Variants in FANCD2OS observed in about 807,000 individuals in gnomAD.
The protein encoded by FANCD2OS is FANCD2 opposite strand protein.
FANCD2OS carries 11 observed loss-of-function variants against 13.2 expected under a neutral mutation model. The observed-to-expected ratio is 0.83, with a 90% CI of 0.52 to 1.38. The LOEUF (loss-of-function observed/expected upper bound fraction) is 1.38, where lower values mean the gene tolerates loss of function less well. FANCD2OS is among the 40% of genes most tolerant of loss of function. The probability of loss-of-function intolerance (pLI) is 0.00; values close to 1 mark genes in which losing one functional copy is unlikely to be tolerated. For missense variants in FANCD2OS, 217 were observed against 213.9 expected, an observed-to-expected ratio of 1.01 and a Z score of -0.09; for synonymous variants, 69 against 84.5, an observed-to-expected ratio of 0.82 and a Z score of 1.01.
chr3:10,098,502 C>T (rs992455474), downstream of FANCD2OS, among the ~76,000 whole-genome samples: 10 of 152,278 alleles, frequency 6.6e-5, no homozygotes, highest in African/African-American at 2.4e-4. Context: ...ATGAACCTTT[C>T]GTTACATTAC....
chr3:10,101,377 C>CT (rs950337384), downstream of FANCD2OS: 13,923 of 379,986 alleles, frequency 0.037, 29 homozygotes, highest in East Asian at 0.041. Context: ...TTTTGTTCCT[C>CT]TTTTTTTTTT....
chr3:10,087,882 C>T (rs933537824), intron 2 of FANCD2OS, among the ~76,000 whole-genome samples: 20 of 152,066 alleles, frequency 1.3e-4, no homozygotes, highest in Admixed American at 7.2e-4. Flanking sequence ...CTCCTGACCT[C>T]GTGATCCACC....
chr3:10,085,523 C>G (rs1357352007), intron 2 of FANCD2OS, among the ~76,000 whole-genome samples: 1 of 151,800 alleles, frequency 6.6e-6, no homozygotes, highest in East Asian at 1.9e-4. Context: ...TCTGGAGTAG[C>G]TGGGACTACA....
chr3:10,094,482 G>A, intron 2 of FANCD2OS: 1 of 856,746 alleles, frequency 1.2e-6, no homozygotes, highest in Non-Finnish European at 2.0e-6. Context: ...GTCCACTTCA[G>A]CTGTAGCCAG....
At chr3:10,085,963 A>C (rs753672518) in intron 2 of FANCD2OS, 1 of 1,349,410 alleles carries the variant, frequency 7.4e-7, no homozygotes. Context: ...GTCCCAAGAA[A>C]CTCCTAGGAA....
chr3:10,096,081 A>T (rs1175773458), intron 2 of FANCD2OS, among the ~76,000 whole-genome samples: 5 of 152,208 alleles, frequency 3.3e-5, no homozygotes, highest in Non-Finnish European at 7.3e-5. Flanking sequence ...AATTCATTGA[A>T]GATCGGCCAG....
chr3:10,101,374 C>CCA, downstream of FANCD2OS: 1 of 577,312 alleles, frequency 1.7e-6, no homozygotes, highest in Non-Finnish European at 3.0e-6. Context: ...CTTTTTTGTT[C>CCA]CTCTTTTTTT....
At chr3:10,090,093 G>A (rs2125080783) in intron 2 of FANCD2OS, among the ~76,000 whole-genome samples, 1 of 152,240 alleles carries the variant, frequency 6.6e-6, no homozygotes, top group Admixed American at 6.5e-5. Flanking sequence ...CTTTCATAAA[G>A]TTAATTCCAT....
chr3:10,100,125 C>T (rs1168475754), downstream of FANCD2OS, among the ~76,000 whole-genome samples: 1 of 151,994 alleles, frequency 6.6e-6, no homozygotes, highest in Non-Finnish European at 1.5e-5. Context: ...GAGGTGGAGG[C>T]TGCAGTGAGC....
intron 2 of FANCD2OS, among the ~76,000 whole-genome samples, chr3:10,094,123 G>T (rs1694812832): frequency 6.6e-6 from 1 of 152,124 alleles, no homozygotes; most frequent in Non-Finnish European, 1.5e-5. Context: ...TTTGATTTTT[G>T]TATTAAGTTA....
chr3:10,104,276 T>C lies in FANCD2OS; in HGVS notation c.499A>G (p.Lys167Glu), dbSNP rs199858369. The change falls in exon 2 of 2, where the codon AAA becomes GAA. Residue 167 changes from lysine to glutamate, a missense_variant. Transcript: ENST00000450660. Reference protein sequence around the residue: ...RSILLLYATYKKCTFALQHSK With the variant: ...RSILLLYATYEKCTFALQHSK The stretch of plus-strand genomic sequence containing the variant: ...TGCTGCAAGGCAAAGGTGCACTTTT[T>C]GTAAGTTGCATACAGCAAGAGGATA... 58 of 1,612,764 alleles carry C rather than the reference T, an allele frequency of 3.6e-5. No individual in the cohort carries two copies. Among genetic ancestry groups the C allele is most frequent in the Non-Finnish European group, 4.8e-5 (57 of 1,179,482 alleles).
intron 1 of FANCD2OS, 91 bp downstream of exon 1, chr3:10,107,924 G>A (rs115597825): frequency 0.032 from 4,895 of 152,360 alleles, 125 homozygotes; most frequent in Non-Finnish European, 0.048. Flanking sequence ...ATAGCTCCCA[G>A]ATATGGAACA....
chr3:10,101,265 C>A (rs3172417), downstream of FANCD2OS: 1 of 1,598,424 alleles, frequency 6.3e-7, no homozygotes, highest in East Asian at 2.2e-5. Flanking sequence ...CTGATTAGAC[C>A]CCAGATAAAT....
In FANCD2OS at chr3:10,081,509, T is replaced by G. The variant is rs752630158; in HGVS notation, c.*66A>C. On this transcript the variant is annotated 3_prime_UTR_variant, in exon 3 of 3. Transcript: ENST00000524279. Reference sequence around the variant, plus strand: ...GGAGAGAACTGAGTATATACTTGCTTTTATTTGACAGTCACCAAGGCACTG... The same window carrying G: ...GGAGAGAACTGAGTATATACTTGCTGTTATTTGACAGTCACCAAGGCACTG... 3 of 1,303,012 alleles carry G rather than the reference T, an allele frequency of 2.3e-6. No homozygotes were observed. The East Asian group carries it at 6.9e-5, about 30-fold the overall frequency. 80.7% of individuals were successfully genotyped at this position (1,303,012 alleles called of 1,614,324 possible).
At chr3:10,102,647 C>A (rs1356004419), downstream of FANCD2OS, among the ~76,000 whole-genome samples, 1 of 150,998 alleles carries the variant, frequency 6.6e-6, no homozygotes, top group African/African-American at 2.4e-5. Flanking sequence ...TCGAGACCAT[C>A]CTGGCTAACA....
chr3:10,084,097 G>A (rs145604495), intron 2 of FANCD2OS, among the ~76,000 whole-genome samples: 2,281 of 151,314 alleles, frequency 0.015, 26 homozygotes, highest in Non-Finnish European at 0.023. Flanking sequence ...GGGTTCAAGC[G>A]ATTCTTCTGC....
Position 10,087,335 on chromosome 3 carries a change from T to C in FANCD2OS, c.*44-5804A>G, listed in dbSNP as rs1575841434. ...GACTAATATCTCACACTTACAAACT[T>C]TGGGCTTCCCAGGACATTTTTACAT... On this transcript the variant is annotated intron_variant, in intron 2 of 2. Transcript: ENST00000524279. 29 of 1,464,694 alleles carry C rather than the reference T, an allele frequency of 2.0e-5. No homozygotes were observed. The South Asian group carries it at 3.4e-4, about 17-fold the overall frequency. 90.7% of individuals were successfully genotyped at this position (1,464,694 alleles called of 1,614,324 possible). A position where few individuals can be genotyped will look rare whatever the true frequency, so the allele number is the denominator to read the frequency against.
At chr3:10,105,547 C>G (rs1176125535) in intron 1 of FANCD2OS, among the ~76,000 whole-genome samples, 2 of 151,306 alleles carry the variant, frequency 1.3e-5, no homozygotes, top group African/African-American at 4.9e-5. Flanking sequence ...GGTCAGAGTT[C>G]CAGAACAGCC....
chr3:10,083,271 A>C (rs543808355), intron 2 of FANCD2OS, among the ~76,000 whole-genome samples: 1 of 152,316 alleles, frequency 6.6e-6, no homozygotes, highest in African/African-American at 2.4e-5. Context: ...AAGTTAACAC[A>C]GAAAATAAAC....
Sources: allele counts gnomAD v4.1 joint callset (sites outside exome capture counted in the v4.1 genomes callset), GRCh38; gene constraint gnomAD v4.1.1; transcripts MANE v1.5; gene names NCBI Gene and HGNC (gene_info 2026-07-23, HGNC 2026-07-21).